The following CAMK2A variants were observed in gnomAD, a reference collection of about 807,000 sequenced individuals.
The protein encoded by CAMK2A is calcium/calmodulin-dependent protein kinase type II subunit alpha.
Under a neutral mutation model 79.2 loss-of-function variants are expected in CAMK2A, and 7 were observed. The observed-to-expected ratio is 0.09, with a 90% CI of 0.05 to 0.17. The LOEUF is 0.17. CAMK2A is among the 10% of genes least tolerant of loss of function. The pLI, the probability that CAMK2A is intolerant of heterozygous loss-of-function variation, is 1.00. For synonymous variants in CAMK2A, 242 were observed against 251.7 expected, an observed-to-expected ratio of 0.96 and a Z score of 0.36; for missense variants, 214 against 646.4, an observed-to-expected ratio of 0.33 and a Z score of 7.25.
chr5:150,269,546 G>T (rs1044690598), intron 2 of CAMK2A, among the ~76,000 whole-genome samples: 1 of 151,956 alleles, frequency 6.6e-6, no homozygotes, highest in Non-Finnish European at 1.5e-5. Flanking sequence ...AGGGACGGGG[G>T]TCTCACCATG....
chr5:150,251,391 C>T (rs1302229056), intron 9 of CAMK2A, among the ~76,000 whole-genome samples: 3 of 152,206 alleles, frequency 2.0e-5, no homozygotes, highest in Non-Finnish European at 4.4e-5. Flanking sequence ...GGAATAATAA[C>T]AGCACCTATA....
intron 2 of CAMK2A, among the ~76,000 whole-genome samples, chr5:150,266,584 A>G (rs1756522515): frequency 6.6e-6 from 1 of 152,070 alleles, no homozygotes; most frequent in Non-Finnish European, 1.5e-5. Flanking sequence ...CCAGAAGAGG[A>G]GACAGAGCTT....
intron 7 of CAMK2A, 139 bp downstream of exon 7, chr5:150,253,305 A>C: frequency 1.5e-6 from 1 of 673,158 alleles, no homozygotes; most frequent in East Asian, 2.7e-5. Context: ...TGGGTGGGAC[A>C]GGGCCTCTGC....
chr5:150,288,128 C>T (rs1055612060), intron 1 of CAMK2A, among the ~76,000 whole-genome samples: 1 of 152,076 alleles, frequency 6.6e-6, no homozygotes, highest in Admixed American at 6.5e-5. Context: ...TGCACACACA[C>T]GTACATCATC....
intron 3 of CAMK2A, among the ~76,000 whole-genome samples, chr5:150,260,529 T>A (rs1756261870): frequency 6.6e-6 from 1 of 151,728 alleles, no homozygotes; most frequent in African/African-American, 2.4e-5. Context: ...GGCAATTCTA[T>A]ACCTGGGCCC....
chr5:150,247,853 G>C (rs531572232), intron 11 of CAMK2A, 39 bp from the exon 12 acceptor site: 1 of 1,575,788 alleles, frequency 6.3e-7, no homozygotes, highest in East Asian at 2.2e-5. Flanking sequence ...AGAGGAGGCC[G>C]GAGTGAAGGG....
chr5:150,242,405 TA>T (rs1298559488), intron 13 of CAMK2A, among the ~76,000 whole-genome samples: 1 of 152,106 alleles, frequency 6.6e-6, no homozygotes, highest in Non-Finnish European at 1.5e-5. Context: ...CCAAGGCCCA[TA>T]AAGGATAATA....
intron 12 of CAMK2A, among the ~76,000 whole-genome samples, chr5:150,247,537 G>A (rs1755623634): frequency 6.6e-6 from 1 of 152,212 alleles, no homozygotes; most frequent in African/African-American, 2.4e-5. Flanking sequence ...GTAGGAGTGG[G>A]CAGCCAGACT....
At chr5:150,255,326 G>A (rs1276374773) in intron 6 of CAMK2A, among the ~76,000 whole-genome samples, 1 of 152,240 alleles carries the variant, frequency 6.6e-6, no homozygotes, top group Non-Finnish European at 1.5e-5. Context: ...GAGAGAAGCC[G>A]TGTCTGCCCA....
Position 150,247,691 on chromosome 5 carries a change from G to A in CAMK2A, c.943+81C>T. On this transcript the variant is annotated intron_variant, in intron 12 of 18. Coordinates refer to ENST00000671881, the MANE Select transcript of CAMK2A (RefSeq NM_015981.4). ...CTCTCCCCAGGCCCAGTGGCCTGGGGGCACTCCAATATCTGACAGGACGGT... is the reference window on the plus strand; with the variant it reads ...CTCTCCCCAGGCCCAGTGGCCTGGGAGCACTCCAATATCTGACAGGACGGT... The A allele has an allele frequency of 2.5e-6, 3 of 1,177,090 alleles. No homozygotes were observed. The South Asian group carries it at 4.0e-5, about 16-fold the overall frequency. The allele number at this position is 1,177,090 out of a possible 1,614,324, so 72.9% of individuals were successfully genotyped here.
At chr5:150,257,928 T>C (rs1756132407) in intron 3 of CAMK2A, among the ~76,000 whole-genome samples, 1 of 152,230 alleles carries the variant, frequency 6.6e-6, no homozygotes, top group Admixed American at 6.5e-5. Flanking sequence ...ATGGAAAGCC[T>C]GTGACTCCAA....
chr5:150,287,968 T>TGC (rs1254495309), intron 1 of CAMK2A, among the ~76,000 whole-genome samples: 19 of 149,212 alleles, frequency 1.3e-4, no homozygotes, highest in Admixed American at 1.1e-3. Flanking sequence ...TGTGTGTGTG[T>TGC]GTGTGTGTGC....
chr5:150,228,129 C>T, intron 17 of CAMK2A, 63 bp downstream of exon 17: 2 of 1,385,560 alleles, frequency 1.4e-6, no homozygotes, highest in South Asian at 1.2e-5. Flanking sequence ...CCCTGCTGTG[C>T]CATCCAGCAG....
chr5:150,239,797 C>A, intron 13 of CAMK2A, 61 bp from the exon 14 acceptor site: 1 of 1,453,102 alleles, frequency 6.9e-7, no homozygotes, highest in East Asian at 2.3e-5. Context: ...CGGCAGGGAG[C>A]AGAGGAACGA....
intron 17 of CAMK2A, among the ~76,000 whole-genome samples, chr5:150,225,050 G>C (rs1456650065): frequency 2.0e-5 from 3 of 150,308 alleles, no homozygotes; most frequent in Non-Finnish European, 3.0e-5. Flanking sequence ...GGGAGAGAGA[G>C]AGAGAGAGAG....
Position 150,220,752 on chromosome 5 carries a change from G to A in CAMK2A, c.*1958C>T, listed in dbSNP as rs1035302847. The A allele has an allele frequency of 2.6e-5, 4 of 152,326 alleles. No homozygotes were observed. The highest frequency in any genetic ancestry group is 2.0e-4 in the Admixed American group (3 of 15,282). 9.4% of individuals were successfully genotyped at this position (152,326 alleles called of 1,614,324 possible). ...AGCAAGGTCTCTGCCAAGGACAGAG[G>A]CCAGTGATGGACCAGCTTGGAAACC... On this transcript the variant is annotated 3_prime_UTR_variant, in exon 19 of 19. Coordinates refer to ENST00000671881, the MANE Select transcript of CAMK2A (RefSeq NM_015981.4).
intron 1 of CAMK2A, among the ~76,000 whole-genome samples, chr5:150,273,584 C>T (rs1257575974): frequency 6.6e-6 from 1 of 152,198 alleles, no homozygotes; most frequent in African/African-American, 2.4e-5. Context: ...GTACTGCAGC[C>T]CCTGAGGTCC....
At chr5:150,239,851 G>T in intron 13 of CAMK2A, 115 bp from the exon 14 acceptor site, 1 of 864,226 alleles carries the variant, frequency 1.2e-6, no homozygotes, top group Non-Finnish European at 2.0e-6. Context: ...GTCATCCTCT[G>T]TAGTCCTTTG....
At chr5:150,266,392 C>T (rs1324956846) in intron 2 of CAMK2A, among the ~76,000 whole-genome samples, 1 of 152,170 alleles carries the variant, frequency 6.6e-6, no homozygotes, top group Admixed American at 6.5e-5. Context: ...AATGCATTTC[C>T]CATTTTCCTT....
Sources: gnomAD v4.1 joint callset for allele counts (sites outside exome capture counted in the v4.1 genomes callset) on GRCh38, gnomAD v4.1.1 for gene constraint, MANE v1.5 for transcripts, NCBI Gene and HGNC (gene_info 2026-07-23, HGNC 2026-07-21) for gene names.